Variants in CSMD1 observed in about 807,000 individuals in gnomAD.
The protein encoded by CSMD1 is CUB and sushi domain-containing protein 1.
In CSMD1, 213 loss-of-function variants were observed where a neutral mutation model predicts 417.5. The observed-to-expected ratio is 0.51, with a 90% CI of 0.46 to 0.57. The LOEUF (loss-of-function observed/expected upper bound fraction) is 0.57, where lower values mean the gene tolerates loss of function less well. Among genes scored for constraint, CSMD1 ranks in the 20% least tolerant of loss-of-function variants. The pLI, the probability that CSMD1 is intolerant of heterozygous loss-of-function variation, is 0.00. For synonymous variants in CSMD1, 2,862 were observed against 1,736.8 expected, an observed-to-expected ratio of 1.65 and a Z score of -16.11; for missense variants, 6,923 against 4,529.7, an observed-to-expected ratio of 1.53 and a Z score of -15.17.
intron 7 of CSMD1, among the ~76,000 whole-genome samples, chr8:3,662,761 T>A (rs1798484385): frequency 6.6e-6 from 1 of 151,994 alleles, no homozygotes; most frequent in African/African-American, 2.4e-5. Context: ...ACCCCGCATG[T>A]TCTCACTCAT....
chr8:3,542,629 T>C (rs1168421639), intron 10 of CSMD1, among the ~76,000 whole-genome samples: 2 of 152,102 alleles, frequency 1.3e-5, no homozygotes, highest in South Asian at 2.1e-4. Flanking sequence ...TGTATGGAGA[T>C]ACATAGGAGG....
At position 3,525,388 on chromosome 8, in the gene CSMD1, A is replaced by G. The variant is rs551559235; in HGVS notation, c.1345-31662T>C. 1.3e-3 allele frequency among the ~76,000 whole-genome samples: 202 copies of G among 152,294 alleles called. 2 individuals carry two copies. In the South Asian group the frequency reaches 0.014, roughly 11 times the overall value. ...GGATCAAAATTCTAAGGTGGATTTA[A>G]TTTCAAGGTAATCATAGTAATATCC... On this transcript the variant is annotated intron_variant, in intron 10 of 69. Coordinates refer to ENST00000635120, the MANE Select transcript of CSMD1 (RefSeq NM_033225.6).
chr8:3,741,490 A>G (rs1796801797), intron 6 of CSMD1, among the ~76,000 whole-genome samples: 1 of 152,204 alleles, frequency 6.6e-6, no homozygotes, highest in South Asian at 2.1e-4. Flanking sequence ...TACCAAGTAA[A>G]ATGTACTTCC....
At chr8:2,992,660 C>T (rs982365239) in intron 54 of CSMD1, among the ~76,000 whole-genome samples, 2 of 151,988 alleles carry the variant, frequency 1.3e-5, no homozygotes, top group Non-Finnish European at 2.9e-5. Context: ...CTCCTGACCT[C>T]GTGATCTGCC....
At chr8:3,778,996 G>C (rs1799035758) in intron 5 of CSMD1, among the ~76,000 whole-genome samples, 1 of 152,068 alleles carries the variant, frequency 6.6e-6, no homozygotes, top group Non-Finnish European at 1.5e-5. Context: ...CTTTTTCTAG[G>C]CTCAGATCAG....
At chr8:4,520,821 G>C (rs1421739439) in intron 2 of CSMD1, among the ~76,000 whole-genome samples, 1 of 152,118 alleles carries the variant, frequency 6.6e-6, no homozygotes, top group Admixed American at 6.5e-5. Context: ...TGCCCTGTAA[G>C]TATAACGTAT....
At position 3,627,822 on chromosome 8, in the gene CSMD1, T is replaced by C. The variant is rs17066666; in HGVS notation, c.1010-11025A>G. On this transcript the variant is annotated intron_variant, in intron 7 of 69. Transcript: ENST00000635120. ...CTTGTTTATTTAGCTGATAAATATA[T>C]TAAGGTGTCTGATTTCAAAGCCCAC... Among the ~76,000 whole-genome samples, 1,417 of 152,316 alleles carry C rather than the reference T, an allele frequency of 9.3e-3. 25 individuals carry two copies. The highest frequency in any genetic ancestry group is 0.033 in the African/African-American group (1,354 of 41,556).
intron 3 of CSMD1, among the ~76,000 whole-genome samples, chr8:4,095,955 A>G (rs1800984575): frequency 6.6e-6 from 1 of 152,200 alleles, no homozygotes; most frequent in Non-Finnish European, 1.5e-5. Flanking sequence ...ATTCATGCCT[A>G]AAAGAAGGAC....
At chr8:4,250,909 A>T (rs1803025076) in intron 3 of CSMD1, among the ~76,000 whole-genome samples, 1 of 152,144 alleles carries the variant, frequency 6.6e-6, no homozygotes, top group Admixed American at 6.5e-5. Flanking sequence ...TTAAACAATA[A>T]GGTCTTAGTC....
At chr8:3,384,194 G>A (rs1208182038) in intron 18 of CSMD1, among the ~76,000 whole-genome samples, 2 of 152,116 alleles carry the variant, frequency 1.3e-5, no homozygotes, top group Non-Finnish European at 2.9e-5. Flanking sequence ...AAATAAATAT[G>A]TAGACATCTT....
At chr8:2,982,120 C>T (rs1018025815) in intron 54 of CSMD1, among the ~76,000 whole-genome samples, 4 of 152,124 alleles carry the variant, frequency 2.6e-5, no homozygotes, top group Non-Finnish European at 5.9e-5. Context: ...CTTTGGGAGG[C>T]CAAGGTGGGC....
intron 1 of CSMD1, among the ~76,000 whole-genome samples, chr8:4,863,852 T>C (rs1802275415): frequency 6.6e-6 from 1 of 152,082 alleles, no homozygotes; most frequent in African/African-American, 2.4e-5. Flanking sequence ...TTTATACTTT[T>C]TCTTGATTTT....
intron 1 of CSMD1, among the ~76,000 whole-genome samples, chr8:4,970,566 A>C (rs544473921): frequency 6.6e-6 from 1 of 152,006 alleles, no homozygotes; most frequent in Non-Finnish European, 1.5e-5. Flanking sequence ...GGTATGAACA[A>C]TACTAATGAT....
intron 54 of CSMD1, among the ~76,000 whole-genome samples, chr8:2,995,262 AAG>A (rs1321749288): frequency 6.6e-6 from 1 of 152,248 alleles, no homozygotes; most frequent in African/African-American, 2.4e-5. Context: ...CATTTCACTG[AAG>A]AGTACAGATG....
chr8:3,941,925 G>A (rs891034949), intron 5 of CSMD1, among the ~76,000 whole-genome samples: 12 of 152,244 alleles, frequency 7.9e-5, no homozygotes, highest in African/African-American at 2.9e-4. Context: ...GAGGTGAGCA[G>A]TGGGCCAGCT....
At chr8:3,742,990 G>C (rs970578395) in intron 6 of CSMD1, among the ~76,000 whole-genome samples, 2 of 152,234 alleles carry the variant, frequency 1.3e-5, no homozygotes, top group South Asian at 2.1e-4. Flanking sequence ...AGTGGAAGCA[G>C]TAAAATCCAC....
chr8:4,942,675 A>G (rs901545468), intron 1 of CSMD1, among the ~76,000 whole-genome samples: 5 of 152,216 alleles, frequency 3.3e-5, no homozygotes, highest in African/African-American at 7.2e-5. Flanking sequence ...GAGTCACCGC[A>G]TATCACACTG....
At chr8:4,732,352 T>TGTGTGTGTGTGG (rs1809945857) in intron 1 of CSMD1, among the ~76,000 whole-genome samples, 1 of 145,820 alleles carries the variant, frequency 6.9e-6, no homozygotes, top group Non-Finnish European at 1.5e-5. Context: ...TGCGTGTGTG[T>TGTGTGTGTGTGG]GTGTGTGTGT....
chr8:3,715,292 A>G (rs1801766453), intron 6 of CSMD1, among the ~76,000 whole-genome samples: 1 of 152,162 alleles, frequency 6.6e-6, no homozygotes. Context: ...ATTTGTGCTG[A>G]TACACTGTAA....
Sources: allele counts gnomAD v4.1 joint callset (sites outside exome capture counted in the v4.1 genomes callset), GRCh38; gene constraint gnomAD v4.1.1; transcripts MANE v1.5; gene names NCBI Gene and HGNC (gene_info 2026-07-23, HGNC 2026-07-21).